Variants in CACNA1C observed in about 807,000 individuals in gnomAD.
The protein encoded by CACNA1C is voltage-dependent L-type calcium channel subunit alpha-1C.
CACNA1C carries 30 observed loss-of-function variants against 229.0 expected under a neutral mutation model. That is an observed-to-expected ratio of 0.13 (90% confidence interval 0.10 to 0.18). The LOEUF (loss-of-function observed/expected upper bound fraction) is 0.18, where lower values mean the gene tolerates loss of function less well. CACNA1C is among the 10% of genes least tolerant of loss of function. The pLI, the probability that CACNA1C is intolerant of heterozygous loss-of-function variation, is 1.00. For synonymous variants in CACNA1C, 1,114 were observed against 1,132.5 expected (o/e 0.98, Z 0.33); for missense variants, 1,658 against 2,845.0 (o/e 0.58, Z 9.49).
Position 2,595,772 on chromosome 12 carries a change from C to A in CACNA1C, c.2664-102C>A. On this transcript the variant is annotated intron_variant, in intron 19 of 46. Coordinates refer to ENST00000399655, the MANE Select transcript of CACNA1C (RefSeq NM_000719.7). This position sits in a 1 kb window ranked among gnomAD's most constrained non-coding sequence, Gnocchi z 4.1. ...CTTCAGGCCAACAAGCACCTGTTGC[C>A]AGCTGCTGGGGAGAGCTGAGGAGAG... 8.9e-7 allele frequency: 1 copy of A among 1,127,754 alleles called. No homozygotes were observed. The highest frequency in any genetic ancestry group is 1.3e-6 in the Non-Finnish European group (1 of 790,126). 69.9% of individuals were successfully genotyped at this position (1,127,754 alleles called of 1,614,324 possible). A position where few individuals can be genotyped will look rare whatever the true frequency, so the allele number is the denominator to read the frequency against.
rs998362106 is a variant in CACNA1C at position 2,499,605 on chromosome 12, C to T, written c.1114-5237C>T. 3.9e-5 allele frequency among the ~76,000 whole-genome samples: 6 copies of T among 152,354 alleles called. No homozygotes were observed. The South Asian group carries it at 1.2e-3, about 32-fold the overall frequency. On this transcript the variant is annotated intron_variant, in intron 7 of 46. Coordinates refer to ENST00000399655, the MANE Select transcript of CACNA1C (RefSeq NM_000719.7). ...GGTCTTTGATAGTGTTCATTCAATGCTCCCTCCCTTTGTAGTGAGGCTGTT... is the reference window on the plus strand; with the variant it reads ...GGTCTTTGATAGTGTTCATTCAATGTTCCCTCCCTTTGTAGTGAGGCTGTT...
intron 3 of CACNA1C, among the ~76,000 whole-genome samples, chr12:2,307,739 G>T (rs540087901): frequency 3.3e-4 from 50 of 152,280 alleles, no homozygotes; most frequent in African/African-American, 1.0e-3. Flanking sequence ...AATTTGCATG[G>T]TCTGTTTTAC....
intron 1 of CACNA1C, among the ~76,000 whole-genome samples, chr12:2,083,941 T>A (rs2154059503): frequency 6.6e-6 from 1 of 152,364 alleles, no homozygotes; most frequent in South Asian, 2.1e-4. Context: ...GAATCATGAC[T>A]AATGTTTCCT....
At chr12:2,283,078 C>T (rs1409986207) in intron 3 of CACNA1C, among the ~76,000 whole-genome samples, 1 of 149,758 alleles carries the variant, frequency 6.7e-6, no homozygotes, top group African/African-American at 2.5e-5. Flanking sequence ...CATAGTACTT[C>T]TTGAATTTAA....
At chr12:1,985,037 A>T (rs2037299976) in intron 1 of CACNA1C, among the ~76,000 whole-genome samples, 1 of 144,562 alleles carries the variant, frequency 6.9e-6, no homozygotes, top group African/African-American at 2.5e-5. Flanking sequence ...TTCAAGATTA[A>T]AAAAAAAAAA....
At chr12:2,637,189 C>CT (rs1259882148) in intron 30 of CACNA1C, among the ~76,000 whole-genome samples, 5 of 152,168 alleles carry the variant, frequency 3.3e-5, no homozygotes, top group Admixed American at 6.5e-5. Context: ...CCCAGAGACT[C>CT]TGTTTTTTCA....
Position 2,682,568 on chromosome 12 carries a change from C to T in CACNA1C, c.5463C>T (p.Ser1821=). The change falls in exon 43 of 47, where the codon AGC becomes AGT. Residue 1821 remains serine, a synonymous_variant. Transcript: ENST00000399655. ...LSSNRCHSRE[S]QAAMAGQEET... ...ATTGTAGGTGCCACTCCCGGGAGAG[C>T]CAGGCAGCCATGGCGGGTCAGGAGG... is the stretch of plus-strand genomic sequence containing the variant. 1 of 1,612,382 alleles carries T rather than the reference C, an allele frequency of 6.2e-7. No homozygotes were observed. The highest frequency in any genetic ancestry group is 8.5e-7 in the Non-Finnish European group (1 of 1,179,420).
chr12:2,167,810 T>C (rs1249954626), intron 3 of CACNA1C, among the ~76,000 whole-genome samples: 1 of 152,188 alleles, frequency 6.6e-6, no homozygotes, highest in Non-Finnish European at 1.5e-5. Flanking sequence ...TTCTAATCAC[T>C]CTATATACTA....
intron 3 of CACNA1C, among the ~76,000 whole-genome samples, chr12:2,442,597 G>A (rs1461191672): frequency 6.6e-6 from 1 of 152,144 alleles, no homozygotes; most frequent in Non-Finnish European, 1.5e-5. Flanking sequence ...AGCCTGTATT[G>A]GGCCGTTGTT....
chr12:2,221,846 A>G (rs1159607477), intron 3 of CACNA1C, among the ~76,000 whole-genome samples: 1 of 152,228 alleles, frequency 6.6e-6, no homozygotes, highest in East Asian at 1.9e-4. Flanking sequence ...ATATGATGGA[A>G]CACCATGTAG....
At chr12:2,167,027 C>A (rs1306219482) in intron 3 of CACNA1C, among the ~76,000 whole-genome samples, 1 of 152,228 alleles carries the variant, frequency 6.6e-6, no homozygotes, top group Non-Finnish European at 1.5e-5. Flanking sequence ...AATACTCAAG[C>A]TTTTATCAGT....
chr12:2,244,856 A>C (rs1268532451), intron 3 of CACNA1C, among the ~76,000 whole-genome samples: 1 of 152,274 alleles, frequency 6.6e-6, no homozygotes, highest in Non-Finnish European at 1.5e-5. Flanking sequence ...AATGCTTCAC[A>C]ATGGATACTG....
chr12:2,094,209 C>CTGAA (rs1221487944), intron 1 of CACNA1C, among the ~76,000 whole-genome samples: 1 of 152,222 alleles, frequency 6.6e-6, no homozygotes, highest in Non-Finnish European at 1.5e-5. Context: ...ACTCCACAAT[C>CTGAA]TGAAGTGCAT....
At chr12:1,983,223 C>T (rs2429120) in intron 1 of CACNA1C, among the ~76,000 whole-genome samples, 108,860 of 151,256 alleles carry the variant, frequency 0.72, 39,576 homozygotes, top group African/African-American at 0.84. Flanking sequence ...TTTCTCTAAA[C>T]AGTTTTTTTG....
rs1480690238 is a variant in CACNA1C at position 2,431,781 on chromosome 12, C to T, written c.478-17195C>T. Among the ~76,000 whole-genome samples the T allele has an allele frequency of 2.0e-5, 3 of 152,158 alleles. No individual in the cohort carries two copies. The East Asian group carries it at 5.8e-4, about 29-fold the overall frequency. On this transcript the variant is annotated intron_variant, in intron 3 of 46. Coordinates refer to ENST00000399655, the MANE Select transcript of CACNA1C (RefSeq NM_000719.7). ...CCTGATGTTATGGCAATGGAGGAGT[C>T]CCCCAAGCAGGTGGAGGTACAGCTG...
chr12:2,004,498 C>G (rs972838992), intron 1 of CACNA1C: 6 of 1,522,176 alleles, frequency 3.9e-6, no homozygotes, highest in African/African-American at 1.4e-5. Context: ...GCAGAACGAG[C>G]GAGCTGCCTC....
chr12:2,107,496 G>A (rs368656212), intron 1 of CACNA1C, among the ~76,000 whole-genome samples: 2 of 148,602 alleles, frequency 1.3e-5, no homozygotes, highest in African/African-American at 2.5e-5. Context: ...TCAGCTGGGC[G>A]TCCTGAAGCC....
intron 30 of CACNA1C, among the ~76,000 whole-genome samples, chr12:2,637,718 T>G (rs546864126): frequency 3.1e-4 from 47 of 152,348 alleles, no homozygotes; most frequent in African/African-American, 1.1e-3. Context: ...AAATCCTGCA[T>G]CCCTGGGCCC....
intron 3 of CACNA1C, among the ~76,000 whole-genome samples, chr12:2,343,855 A>T (rs1257125671): frequency 6.6e-6 from 1 of 152,214 alleles, no homozygotes; most frequent in African/African-American, 2.4e-5. Flanking sequence ...AGGCTCAGAG[A>T]CACATGCACA....
Sources: gnomAD v4.1 joint callset for allele counts (sites outside exome capture counted in the v4.1 genomes callset) on GRCh38, gnomAD v4.1.1 for gene constraint, Gnocchi (gnomAD v3.1) non-coding constraint, MANE v1.5 for transcripts, NCBI Gene and HGNC (gene_info 2026-07-23, HGNC 2026-07-21) for gene names.